The following COL19A1 variants were observed in gnomAD, a reference collection of about 807,000 sequenced individuals.
COL19A1 encodes the protein collagen type XIX alpha 1 chain.
In COL19A1, 159 loss-of-function variants were observed where a neutral mutation model predicts 190.2. The observed-to-expected ratio is 0.84, with a 90% CI of 0.73 to 0.95. The LOEUF is 0.95. COL19A1 is among the 40% of genes least tolerant of loss of function. The pLI, the probability that COL19A1 is intolerant of heterozygous loss-of-function variation, is 0.00. For missense variants in COL19A1, 1,418 were observed against 1,431.9 expected (o/e 0.99, Z 0.16); for synonymous variants, 509 against 458.9 (o/e 1.11, Z -1.39).
chr6:69,974,658 G>C (rs918812065), intron 11 of COL19A1, among the ~76,000 whole-genome samples: 7 of 151,988 alleles, frequency 4.6e-5, no homozygotes, highest in Non-Finnish European at 7.4e-5. Flanking sequence ...ACAATTCTAA[G>C]TTCTTTATTT....
chr6:70,065,993 T>G (rs1371337742), intron 14 of COL19A1, among the ~76,000 whole-genome samples: 1 of 152,226 alleles, frequency 6.6e-6, no homozygotes, highest in African/African-American at 2.4e-5. Context: ...ACTTTTACAC[T>G]GTTGGTGGGA....
intron 9 of COL19A1, among the ~76,000 whole-genome samples, chr6:69,957,358 T>C (rs1464868878): frequency 6.6e-6 from 1 of 152,124 alleles, no homozygotes; most frequent in Non-Finnish European, 1.5e-5. Flanking sequence ...ATTTTGAATT[T>C]TGGAAAGGGT....
chr6:70,190,090 G>A (rs373171461), intron 47 of COL19A1, among the ~76,000 whole-genome samples: 11 of 152,314 alleles, frequency 7.2e-5, no homozygotes, highest in African/African-American at 2.6e-4. Flanking sequence ...CACTGGTTAT[G>A]ATCCCAGCCC....
intron 11 of COL19A1, among the ~76,000 whole-genome samples, chr6:69,979,206 T>A (rs1261636525): frequency 6.6e-6 from 1 of 151,946 alleles, no homozygotes; most frequent in Non-Finnish European, 1.5e-5. Context: ...GAAGTCAGCA[T>A]AATGTTAATA....
At chr6:69,899,237 T>C (rs1320581212) in intron 3 of COL19A1, among the ~76,000 whole-genome samples, 1 of 151,690 alleles carries the variant, frequency 6.6e-6, no homozygotes, top group African/African-American at 2.4e-5. Flanking sequence ...TGATCTCAGC[T>C]TGCTGCAACC....
intron 11 of COL19A1, among the ~76,000 whole-genome samples, chr6:70,010,740 A>G (rs1259925195): frequency 2.3e-5 from 3 of 132,902 alleles, no homozygotes. Flanking sequence ...TTGCTAGCAC[A>G]GCAGTCTGAG....
chr6:70,058,824 A>G (rs1780657028), intron 14 of COL19A1, among the ~76,000 whole-genome samples: 1 of 152,024 alleles, frequency 6.6e-6, no homozygotes, highest in Admixed American at 6.6e-5. Flanking sequence ...GAGGAAAGTT[A>G]AAATTAAAAA....
chr6:69,903,139 A>G (rs1468235238), intron 4 of COL19A1, among the ~76,000 whole-genome samples: 1 of 152,192 alleles, frequency 6.6e-6, no homozygotes, highest in Non-Finnish European at 1.5e-5. Flanking sequence ...CTCTTTGGTG[A>G]TCACTATCTA....
intron 15 of COL19A1, among the ~76,000 whole-genome samples, chr6:70,100,188 G>C (rs1302564220): frequency 6.6e-6 from 1 of 152,160 alleles, no homozygotes; most frequent in African/African-American, 2.4e-5. Flanking sequence ...CTTAAGGAAA[G>C]AACCAATCAC....
At chr6:69,946,742 G>A (rs931369297) in intron 9 of COL19A1, among the ~76,000 whole-genome samples, 2 of 151,790 alleles carry the variant, frequency 1.3e-5, no homozygotes, top group African/African-American at 4.8e-5. Flanking sequence ...TGAATTTGGT[G>A]CTCCTGGAAT....
At chr6:70,137,886 C>T in intron 19 of COL19A1, 139 bp downstream of exon 19, 1 of 720,704 alleles carries the variant, frequency 1.4e-6, no homozygotes, top group Non-Finnish European at 2.3e-6. Flanking sequence ...CAAGCAAGTA[C>T]TAGCTACGCT....
At chr6:69,894,487 G>C (rs1769581896) in intron 2 of COL19A1, among the ~76,000 whole-genome samples, 1 of 152,134 alleles carries the variant, frequency 6.6e-6, no homozygotes, top group South Asian at 2.1e-4. Flanking sequence ...TTAAAGTCAT[G>C]TGAACTAAAA....
chr6:70,110,785 C>T (rs1784240314), intron 16 of COL19A1, among the ~76,000 whole-genome samples: 1 of 152,142 alleles, frequency 6.6e-6, no homozygotes, highest in Admixed American at 6.6e-5. Context: ...ATAGTGGTAA[C>T]ATTATGGTGG....
intron 11 of COL19A1, among the ~76,000 whole-genome samples, chr6:69,963,166 TTCAC>T (rs1000597927): frequency 2.0e-4 from 30 of 152,330 alleles, no homozygotes; most frequent in Admixed American, 1.5e-3. Flanking sequence ...TATGAAATCA[TTCAC>T]TCACTAAGTA....
chr6:70,047,932 T>C (rs1234424101), intron 14 of COL19A1, among the ~76,000 whole-genome samples: 1 of 151,972 alleles, frequency 6.6e-6, no homozygotes, highest in East Asian at 1.9e-4. Context: ...TCATGTAATA[T>C]ATCCACTAAT....
At chr6:70,112,511 C>G (rs1174332429) in intron 16 of COL19A1, among the ~76,000 whole-genome samples, 1 of 151,786 alleles carries the variant, frequency 6.6e-6, no homozygotes, top group Admixed American at 6.6e-5. Context: ...TTTTTTCTAA[C>G]TATCATGCCA....
chr6:70,191,530 A>G (rs1766873190), intron 48 of COL19A1, among the ~76,000 whole-genome samples: 1 of 152,230 alleles, frequency 6.6e-6, no homozygotes, highest in South Asian at 2.1e-4. Flanking sequence ...GTCAAGGATT[A>G]GGTCTTTCCA....
At chr6:69,872,097 G>A (rs1196474321) in intron 1 of COL19A1, among the ~76,000 whole-genome samples, 2 of 152,130 alleles carry the variant, frequency 1.3e-5, no homozygotes, top group African/African-American at 2.4e-5. Context: ...GATTACAGGC[G>A]TGAGCCACCA....
chr6:70,203,016 G>T (rs554306290), intron 49 of COL19A1, among the ~76,000 whole-genome samples: 1 of 152,200 alleles, frequency 6.6e-6, no homozygotes, highest in South Asian at 2.1e-4. Context: ...TGGTTCTCCC[G>T]GGTATGAGCT....
Sources: gnomAD v4.1 joint callset for allele counts (sites outside exome capture counted in the v4.1 genomes callset) on GRCh38, gnomAD v4.1.1 for gene constraint, MANE v1.5 for transcripts, NCBI Gene and HGNC (gene_info 2026-07-23, HGNC 2026-07-21) for gene names.